The following TTN variants were observed in gnomAD, a reference collection of about 807,000 sequenced individuals.
The protein encoded by TTN is titin.
TTN carries 1,525 observed loss-of-function variants against 3,223.0 expected under a neutral mutation model. That is an observed-to-expected ratio of 0.47 (90% confidence interval 0.45 to 0.49). The LOEUF (loss-of-function observed/expected upper bound fraction) is 0.49, where lower values mean the gene tolerates loss of function less well. Among genes scored for constraint, TTN ranks in the 20% least tolerant of loss-of-function variants. The pLI, the probability that TTN is intolerant of heterozygous loss-of-function variation, is 0.00. For synonymous variants in TTN, 14,094 were observed against 15,161.0 expected (o/e 0.93, Z 5.17); for missense variants, 40,786 against 43,424.0 (o/e 0.94, Z 5.40).
At chr2:178,689,697 G>A (rs1244858299) in intron 122 of TTN, 102 bp from the exon 123 acceptor site, 2 of 1,431,468 alleles carry the variant, frequency 1.4e-6, no homozygotes, top group Non-Finnish European at 1.9e-6. Flanking sequence ...CTTTTGTTCA[G>A]TTCTCACCAC....
chr2:178,537,603 G>T lies in TTN; in HGVS notation c.99604C>A (p.Leu33202Met). 1 of 1,613,646 alleles carries T rather than the reference G, an allele frequency of 6.2e-7. No homozygotes were observed. The highest frequency in any genetic ancestry group is 8.5e-7 in the Non-Finnish European group (1 of 1,179,670). Residue 33202 changes from leucine (L) to methionine (M), a missense_variant, in exon 355 of 363, where the codon CTG (leucine) becomes ATG (methionine). By Grantham distance (15) the Leu-to-Met change is conservative. Transcript: ENST00000589042. ...ATPQFHPGYP[L>M]KEKYYGAVGS... The stretch of plus-strand genomic sequence containing the variant: ...ACAGCTCCATAATATTTCTCTTTCA[G>T]TGGGTAACCAGGATGGAACTGCGGT...
In TTN at chr2:178,712,593, GC is replaced by G; in HGVS notation, c.27329-1del. On this transcript the variant is annotated splice_acceptor_variant, in intron 94 of 362. Coordinates refer to ENST00000589042, the MANE Select transcript of TTN (RefSeq NM_001267550.2). LOFTEE classifies it high-confidence loss of function. ...CAGCCTCTTCACAAATTTGGCTGGG[GC>G]TAAAGTGACCAAATTGAAAATATAA... 1 of 1,609,194 alleles carries G rather than the reference GC, an allele frequency of 6.2e-7. No homozygotes were observed. The highest frequency in any genetic ancestry group is 1.7e-4 in the Middle Eastern group (1 of 6,026).
At chr2:178,694,956 TTCTCTCTCTCTCTA>T (rs1429546971) in intron 115 of TTN, 50 bp from the exon 116 acceptor site, 11 of 1,343,924 alleles carry the variant, frequency 8.2e-6, no homozygotes, top group South Asian at 6.6e-5. Context: ...CCTATTAAAA[TTCTCTCTCTCTCTA>T]TCTCTCTCTC....
intron 59 of TTN, 30 bp from the exon 60 acceptor site, chr2:178,731,233 T>G: frequency 6.2e-7 from 1 of 1,610,694 alleles, no homozygotes; most frequent in Non-Finnish European, 8.5e-7. Flanking sequence ...AGATGTGGGT[T>G]GTGCATTACC....
rs369623681 is a variant in TTN at position 178,612,374 on chromosome 2, C to G, written c.50151G>C (p.Glu16717Asp). 35 of 1,612,402 alleles carry G rather than the reference C, an allele frequency of 2.2e-5. No individual in the cohort carries two copies. The highest frequency in any genetic ancestry group is 4.4e-5 in the South Asian group (4 of 91,056). The change falls in exon 266 of 363, where the codon GAG (glutamate) becomes GAC (aspartate). Residue 16717 changes from glutamate (E) to aspartate (D), a missense_variant. By Grantham distance (45) the Glu-to-Asp change is conservative (BLOSUM62 2). Transcript: ENST00000589042. ...CAACTCGGAACACATATAAAGAGCCCTCAGTCAGTGGGGTGACTGTGCACT... is the reference window on the plus strand; with the variant it reads ...CAACTCGGAACACATATAAAGAGCCGTCAGTCAGTGGGGTGACTGTGCACT... ...DTKCTVTPLT[E>D]GSLYVFRVAA...
At chr2:178,631,392 T>G (rs909545935) in intron 236 of TTN, 92 bp from the exon 237 acceptor site, 4 of 1,343,240 alleles carry the variant, frequency 3.0e-6, no homozygotes, top group Non-Finnish European at 4.0e-6. Flanking sequence ...CACAGAGTTC[T>G]GAGTATCTTT....
Position 178,710,815 on chromosome 2 carries a change from C to A in TTN, c.28282G>T (p.Val9428Phe). The change falls in exon 98 of 363, where the codon GTC (valine) becomes TTC (phenylalanine). Residue 9428 changes from valine to phenylalanine, a missense_variant. Transcript: ENST00000589042. ...CHVTGTQPIK[V>F]SWAKDSREIR... ...TCTCTGCTGTCTTTGGCCCAGCTGACCTTTATCGGTTGTGTGCCCGTGACG... is the reference window on the plus strand; with the variant it reads ...TCTCTGCTGTCTTTGGCCCAGCTGAACTTTATCGGTTGTGTGCCCGTGACG... 8 of 1,613,914 alleles carry A rather than the reference C, an allele frequency of 5.0e-6. No homozygotes were observed. Among genetic ancestry groups the A allele is most frequent in the Non-Finnish European group, 6.8e-6 (8 of 1,179,846 alleles).
chr2:178,683,019 G>A, intron 134 of TTN, 116 bp from the exon 135 acceptor site: 1 of 1,115,044 alleles, frequency 9.0e-7, no homozygotes. Context: ...ACTGATTATG[G>A]GAGACCCTGA....
rs767497945 is a variant in TTN, at chr2:178,635,304, T to A, written c.41885A>T (p.Glu13962Val). 1 of 1,612,864 alleles carries A rather than the reference T, an allele frequency of 6.2e-7. No homozygotes were observed. The highest frequency in any genetic ancestry group is 8.5e-7 in the Non-Finnish European group (1 of 1,179,424). ...TGGTTTAAGCAGTTCAACTTCACGCTCTGTATTGGTCAGGGATGAAGTAAC... is the reference window on the plus strand; with the variant it reads ...TGGTTTAAGCAGTTCAACTTCACGCACTGTATTGGTCAGGGATGAAGTAAC... ...KRYPAKLTLG[E>V]REVELLKPIE... Residue 13962 changes from glutamate to valine, a missense_variant and splice_region_variant, in exon 228 of 363, where the codon GAG becomes GTG. By Grantham distance (121) the Glu-to-Val change is moderately radical. Transcript: ENST00000589042.
At position 178,724,504 on chromosome 2, in the gene TTN, C is replaced by T; in HGVS notation, c.20871G>A (p.Met6957Ile). 2 of 1,606,492 alleles carry T rather than the reference C, an allele frequency of 1.2e-6. No individual in the cohort carries two copies. Among genetic ancestry groups the T allele is most frequent in the Non-Finnish European group, 8.5e-7 (1 of 1,174,292 alleles). Residue 6957 changes from methionine to isoleucine, a missense_variant, in exon 72 of 363, where the codon ATG becomes ATA. Met to Ile is a conservative substitution (Grantham distance 10, BLOSUM62 1). Coordinates refer to ENST00000589042, the MANE Select transcript of TTN (RefSeq NM_001267550.2). ...PAVIVEKAGP[M>I]TVTVGETCTL... ...TGCACGTTTCTCCTACAGTCACCGTCATCGGTCCTGCCTTCTCAACAATGA... is the reference window on the plus strand; with the variant it reads ...TGCACGTTTCTCCTACAGTCACCGTTATCGGTCCTGCCTTCTCAACAATGA...
At position 178,573,537 on chromosome 2, in the gene TTN, C is replaced by G. The variant is rs747720787; in HGVS notation, c.72595G>C (p.Ala24199Pro). Residue 24199 changes from alanine (A) to proline (P), a missense_variant, in exon 326 of 363, where the codon GCT becomes CCT. Ala to Pro is a conservative substitution (Grantham distance 27). Coordinates refer to ENST00000589042, the MANE Select transcript of TTN (RefSeq NM_001267550.2). Reference sequence around the variant, plus strand: ...TCTCCCACTCCATATTTATTTACAGCCATGACACGGAATATGTATTCATTG... The same window carrying G: ...TCTCCCACTCCATATTTATTTACAGGCATGACACGGAATATGTATTCATTG... ...KGNEYIFRVM[A>P]VNKYGVGEPL... 2.0e-6 allele frequency: 3 copies of G among 1,496,410 alleles called. No individual in the cohort carries two copies. The Admixed American group carries it at 7.3e-5, about 37-fold the overall frequency. 92.7% of individuals were successfully genotyped at this position (1,496,410 alleles called of 1,614,324 possible). A position where few individuals can be genotyped will look rare whatever the true frequency, so the allele number is the denominator to read the frequency against.
At chr2:178,784,512 C>T (rs774755888) in intron 15 of TTN, among the ~76,000 whole-genome samples, 161 bp from the exon 16 acceptor site, 2 of 152,090 alleles carry the variant, frequency 1.3e-5, no homozygotes, top group Non-Finnish European at 2.9e-5. Context: ...AGAGATAAGC[C>T]AATTATAAAG....
chr2:178,789,281 T>C (rs1021254656), intron 13 of TTN, 79 bp downstream of exon 13: 10 of 1,574,408 alleles, frequency 6.4e-6, no homozygotes, highest in Non-Finnish European at 8.7e-6. Flanking sequence ...ATTAATGTAT[T>C]ACAATAAGGA....
Position 178,756,294 on chromosome 2 carries a change from C to T in TTN, c.11182G>A (p.Gly3728Arg). 6.2e-7 allele frequency: 1 copy of T among 1,613,818 alleles called. No individual in the cohort carries two copies. Among genetic ancestry groups the T allele is most frequent in the Admixed American group, 1.7e-5 (1 of 60,008 alleles). The change falls in exon 46 of 363, where the codon GGA becomes AGA. Residue 3728 changes from glycine to arginine, a missense_variant. Gly to Arg is a moderately radical substitution (Grantham distance 125). Coordinates refer to ENST00000589042, the MANE Select transcript of TTN (RefSeq NM_001267550.2). ...TTGTGTACAATGCAGCTGTATAGTC[C>T]TTGGTCTACCAGCTGAACATTACAT... ...TICNVQLVDQ[G>R]LYSCIVHNDC...
At position 178,613,857 on chromosome 2, in the gene TTN, C is replaced by T; in HGVS notation, c.49426G>A (p.Asp16476Asn). 3 of 1,612,334 alleles carry T rather than the reference C, an allele frequency of 1.9e-6. No individual in the cohort carries two copies. The highest frequency in any genetic ancestry group is 2.5e-6 in the Non-Finnish European group (3 of 1,179,002). ...CCTGTGATTGGGCTGCCACCATCAT[C>T]ATCTGGCTCACACCATGTGAGAGTC... Reference protein sequence around the residue: ...AVTLTWCEPDDDGGSPITGYW... With the variant: ...AVTLTWCEPDNDGGSPITGYW... Residue 16476 changes from aspartate to asparagine, a missense_variant, in exon 263 of 363, where the codon GAT (aspartate) becomes AAT (asparagine). By Grantham distance (23) the Asp-to-Asn change is conservative. Transcript: ENST00000589042.
intron 12 of TTN, among the ~76,000 whole-genome samples, 186 bp downstream of exon 12, chr2:178,789,792 C>A (rs2093392910): frequency 6.6e-6 from 1 of 152,096 alleles, no homozygotes; most frequent in African/African-American, 2.4e-5. Flanking sequence ...ATAAATGTTA[C>A]AGATGGATGA....
intron 10 of TTN, 95 bp from the exon 11 acceptor site, chr2:178,790,940 AGTG>A: frequency 1.4e-6 from 2 of 1,443,462 alleles, no homozygotes; most frequent in Non-Finnish European, 1.9e-6. Context: ...CAGGATGCTT[AGTG>A]GTGAACGATA....
At chr2:178,801,801 G>C (rs1252608844) in intron 3 of TTN, among the ~76,000 whole-genome samples, 1 of 152,136 alleles carries the variant, frequency 6.6e-6, no homozygotes, top group Non-Finnish European at 1.5e-5. Context: ...CACTTCCCTG[G>C]AGAATATGTC....
chr2:178,535,250 CTCTGG>C lies in TTN; in HGVS notation c.101360_101364del (p.Thr33787SerfsTer5). 3 of 1,613,876 alleles carry C rather than the reference CTCTGG, an allele frequency of 1.9e-6. No individual in the cohort carries two copies. The highest frequency in any genetic ancestry group is 2.5e-6 in the Non-Finnish European group (3 of 1,179,826). ...TCTACCTCTTCATCATAGTTCATAG[CTCTGG>C]TCTTATCTTCTTTGGTTATGGTTGG... On this transcript the variant is annotated frameshift_variant, in exon 358 of 363. Transcript: ENST00000589042. LOFTEE classifies it high-confidence loss of function.
Sources: gnomAD v4.1 joint callset for allele counts (sites outside exome capture counted in the v4.1 genomes callset) on GRCh38, gnomAD v4.1.1 for gene constraint, MANE v1.5 for transcripts, NCBI Gene and HGNC (gene_info 2026-07-23, HGNC 2026-07-21) for gene names.